The following TENM2 variants were observed in gnomAD, a reference collection of about 807,000 sequenced individuals.
TENM2 encodes the protein teneurin-2.
A neutral mutation model predicts 245.2 loss-of-function variants in TENM2; 52 were observed. That is an observed-to-expected ratio of 0.21 (90% CI 0.17 to 0.27). The LOEUF (loss-of-function observed/expected upper bound fraction) is 0.27, where lower values mean the gene tolerates loss of function less well. Ranked by LOEUF, TENM2 falls within the 10% of genes least tolerant of loss-of-function variation. The probability of loss-of-function intolerance (pLI) is 1.00; values close to 1 mark genes in which losing one functional copy is unlikely to be tolerated. For missense variants in TENM2, 3,046 were observed against 3,666.8 expected, an observed-to-expected ratio of 0.83 and a Z score of 4.37; for synonymous variants, 1,363 against 1,438.9, an observed-to-expected ratio of 0.95 and a Z score of 1.19.
At chr5:167,152,295 C>T in the TENM2 span, among the ~76,000 whole-genome samples, 1 of 152,188 alleles carries the variant, frequency 6.6e-6, no homozygotes, top group South Asian at 2.1e-4. Flanking sequence ...CTTAGAATAT[C>T]ATTATAATGA....
chr5:167,479,369 C>G (rs1767613682), intron 2 of TENM2, among the ~76,000 whole-genome samples: 1 of 152,044 alleles, frequency 6.6e-6, no homozygotes, highest in Admixed American at 6.6e-5. Context: ...TCCTACTCTC[C>G]CAAACTATTG....
the TENM2 span, among the ~76,000 whole-genome samples, chr5:167,211,180 A>T: frequency 1.1e-4 from 16 of 152,274 alleles, no homozygotes; most frequent in Admixed American, 2.0e-4. Context: ...GCTTTTATTA[A>T]ACCAATTTCT....
intron 2 of TENM2, among the ~76,000 whole-genome samples, chr5:167,624,228 G>A (rs1025391139): frequency 6.6e-6 from 1 of 152,120 alleles, no homozygotes; most frequent in Non-Finnish European, 1.5e-5. Flanking sequence ...CCATGGAATA[G>A]TACACAGCCA....
At chr5:167,278,628 T>C in the TENM2 span, among the ~76,000 whole-genome samples, 5 of 152,286 alleles carry the variant, frequency 3.3e-5, no homozygotes, top group East Asian at 1.9e-4. Context: ...GCATTGTACA[T>C]ACGTATCTTA....
At chr5:167,275,534 T>C in the TENM2 span, among the ~76,000 whole-genome samples, 24 of 152,210 alleles carry the variant, frequency 1.6e-4, no homozygotes, top group South Asian at 8.3e-4. Flanking sequence ...ATAATTTCTT[T>C]CATCAGTGTT....
In TENM2 at chr5:167,596,828, G is replaced by A. The variant is rs556339016; in HGVS notation, c.502+221355G>A. Among the ~76,000 whole-genome samples the A allele has an allele frequency of 4.6e-5, 7 of 151,498 alleles. No individual in the cohort carries two copies. In the South Asian group the frequency reaches 1.5e-3, roughly 32 times the overall value. ...AAAAAAAAGAAGAAAAGAAAAAAAT[G>A]CAGAGGCATCAAGAGATAACTCTTC... On this transcript the variant is annotated intron_variant, in intron 2 of 28. Transcript: ENST00000518659.
the TENM2 span, among the ~76,000 whole-genome samples, chr5:166,993,576 C>A: frequency 6.6e-6 from 1 of 152,014 alleles, no homozygotes; most frequent in Non-Finnish European, 1.5e-5. Context: ...AGATGGCCAA[C>A]CATGACTCAT....
chr5:167,239,795 G>A, the TENM2 span, among the ~76,000 whole-genome samples: 1 of 152,136 alleles, frequency 6.6e-6, no homozygotes, highest in East Asian at 1.9e-4. Flanking sequence ...ATTTTGAGAT[G>A]GAGTTTTGCT....
chr5:167,374,478 G>A (rs750909468), intron 1 of TENM2, among the ~76,000 whole-genome samples: 15 of 152,126 alleles, frequency 9.9e-5, no homozygotes, highest in Non-Finnish European at 2.1e-4. Flanking sequence ...TTTGGCACAT[G>A]TTATATGAGG....
At chr5:167,499,890 G>A (rs901078886) in intron 2 of TENM2, among the ~76,000 whole-genome samples, 6 of 149,346 alleles carry the variant, frequency 4.0e-5, no homozygotes, top group African/African-American at 9.9e-5. Flanking sequence ...GTGTGTGTGT[G>A]TATATGTGTA....
intron 2 of TENM2, among the ~76,000 whole-genome samples, chr5:167,511,779 T>C (rs1769972845): frequency 6.6e-6 from 1 of 151,986 alleles, no homozygotes; most frequent in East Asian, 1.9e-4. Flanking sequence ...AAATAAGGAG[T>C]GATGGTATGC....
chr5:168,219,762 G>A (rs1763497345), intron 23 of TENM2, among the ~76,000 whole-genome samples: 1 of 129,724 alleles, frequency 7.7e-6, no homozygotes, highest in Non-Finnish European at 1.5e-5. Flanking sequence ...GTCCTTGCTT[G>A]TGTTTTGTCT....
the TENM2 span, among the ~76,000 whole-genome samples, chr5:166,994,126 A>G: frequency 1.3e-5 from 2 of 152,216 alleles, no homozygotes; most frequent in African/African-American, 4.8e-5. Flanking sequence ...GCACCCTGAT[A>G]TATCAACTTT....
chr5:167,725,915 G>A (rs181718575), intron 2 of TENM2, among the ~76,000 whole-genome samples: 3 of 152,092 alleles, frequency 2.0e-5, no homozygotes, highest in East Asian at 3.9e-4. Context: ...ATTAAGGCCC[G>A]CTTCAGCCCT....
At chr5:167,318,024 C>G (rs552894822) in intron 1 of TENM2, among the ~76,000 whole-genome samples, 2 of 152,084 alleles carry the variant, frequency 1.3e-5, no homozygotes, top group African/African-American at 4.8e-5. Flanking sequence ...GTGGGAGCTC[C>G]CTAAAGTGGA....
chr5:167,000,081 G>A, the TENM2 span, among the ~76,000 whole-genome samples: 2 of 152,122 alleles, frequency 1.3e-5, no homozygotes, highest in African/African-American at 4.8e-5. Flanking sequence ...GCATCTATAA[G>A]ATCTGGATTG....
chr5:167,808,959 A>G lies in TENM2; in HGVS notation c.503-67027A>G, dbSNP rs574125912. ...GTTTTATGTATGAATAAGAGAGGGA[A>G]AAACTCAGCCAATTAAACTGTGCCG... On this transcript the variant is annotated intron_variant, in intron 2 of 28. Transcript: ENST00000518659. 6.6e-5 allele frequency among the ~76,000 whole-genome samples: 10 copies of G among 152,348 alleles called. No homozygotes were observed. The South Asian group carries it at 2.1e-3, about 32-fold the overall frequency.
intron 2 of TENM2, among the ~76,000 whole-genome samples, chr5:167,767,244 C>T (rs1372120860): frequency 6.6e-6 from 1 of 152,178 alleles, no homozygotes; most frequent in Admixed American, 6.6e-5. Flanking sequence ...CTGACACATA[C>T]TACAACATGG....
chr5:167,048,627 T>A, the TENM2 span, among the ~76,000 whole-genome samples: 1 of 152,200 alleles, frequency 6.6e-6, no homozygotes, highest in Admixed American at 6.5e-5. Context: ...TTGTTCTGAT[T>A]TCATTAAATC....
Sources: allele counts gnomAD v4.1 joint callset (sites outside exome capture counted in the v4.1 genomes callset), GRCh38; gene constraint gnomAD v4.1.1; transcripts MANE v1.5; gene names NCBI Gene and HGNC (gene_info 2026-07-23, HGNC 2026-07-21).